The following KCNIP4 variants were observed in gnomAD, a reference collection of about 807,000 sequenced individuals.
KCNIP4 encodes the protein potassium voltage-gated channel interacting protein 4.
KCNIP4 carries 12 observed loss-of-function variants against 34.0 expected under a neutral mutation model. The observed-to-expected ratio is 0.35, with a 90% confidence interval of 0.23 to 0.57. The LOEUF (loss-of-function observed/expected upper bound fraction) is 0.57, where lower values mean the gene tolerates loss of function less well. Ranked by LOEUF, KCNIP4 falls within the 20% of genes least tolerant of loss-of-function variation. The probability of loss-of-function intolerance (pLI) is 0.83; values close to 1 mark genes in which losing one functional copy is unlikely to be tolerated. For synonymous variants in KCNIP4, 124 were observed against 102.2 expected (o/e 1.21, Z -1.29); for missense variants, 238 against 311.7 (o/e 0.76, Z 1.78).
intron 2 of KCNIP4, among the ~76,000 whole-genome samples, chr4:20,865,052 A>G (rs1722729967): frequency 6.6e-6 from 1 of 152,244 alleles, no homozygotes; most frequent in South Asian, 2.1e-4. Context: ...CTTCATTATC[A>G]TATCTGAGCA....
chr4:21,225,529 T>A (rs1285853347), intron 1 of KCNIP4, among the ~76,000 whole-genome samples: 1 of 152,190 alleles, frequency 6.6e-6, no homozygotes, highest in Non-Finnish European at 1.5e-5. Flanking sequence ...CCTGTTACTC[T>A]TAGAAGTATC....
intron 1 of KCNIP4, among the ~76,000 whole-genome samples, chr4:21,555,673 G>A (rs1307539032): frequency 6.6e-6 from 1 of 152,114 alleles, no homozygotes; most frequent in East Asian, 1.9e-4. Context: ...CTCAAATACT[G>A]GTGGAGATAA....
chr4:21,415,100 C>G (rs1724833840), intron 1 of KCNIP4, among the ~76,000 whole-genome samples: 1 of 152,248 alleles, frequency 6.6e-6, no homozygotes, highest in East Asian at 1.9e-4. Flanking sequence ...CCATTCCCCC[C>G]CAGTCCCCAC....
intron 1 of KCNIP4, chr4:21,697,789 C>T: frequency 2.4e-6 from 1 of 424,734 alleles, no homozygotes; most frequent in Non-Finnish European, 3.3e-6. Flanking sequence ...CCTCACAGAC[C>T]ATTCAGAGGG....
intron 1 of KCNIP4, among the ~76,000 whole-genome samples, chr4:21,192,952 C>CTACTAATAATAA (rs757200407): frequency 1.1e-3 from 160 of 145,108 alleles, no homozygotes; most frequent in African/African-American, 3.4e-3. Context: ...ACTACTACTA[C>CTACTAATAATAA]TAATAATAAT....
At chr4:21,248,211 T>C (rs1760437566) in intron 1 of KCNIP4, among the ~76,000 whole-genome samples, 1 of 151,926 alleles carries the variant, frequency 6.6e-6, no homozygotes, top group East Asian at 2.0e-4. Flanking sequence ...TTGCCTTGTG[T>C]GGGCATGAGC....
chr4:20,950,934 T>C (rs183750850), intron 1 of KCNIP4, among the ~76,000 whole-genome samples: 1 of 152,138 alleles, frequency 6.6e-6, no homozygotes, highest in Admixed American at 6.5e-5. Flanking sequence ...TAAAGTTACG[T>C]GGGCATTTGC....
At position 20,729,544 on chromosome 4, in the gene KCNIP4, G is replaced by T. The variant is rs1747327906; in HGVS notation, c.*538C>A. 1 of 147,904 alleles carries T rather than the reference G, an allele frequency of 6.8e-6. No individual in the cohort carries two copies. Among genetic ancestry groups the T allele is most frequent in the Non-Finnish European group, 1.5e-5 (1 of 66,436 alleles). 9.2% of individuals were successfully genotyped at this position (147,904 alleles called of 1,614,324 possible). ...AAAACTAATTTCTAACAGAAGGTGGGAAGGCCATAGAAACTGGAACTATGT... is the reference window on the plus strand; with the variant it reads ...AAAACTAATTTCTAACAGAAGGTGGTAAGGCCATAGAAACTGGAACTATGT... On this transcript the variant is annotated 3_prime_UTR_variant, in exon 9 of 9. Coordinates refer to ENST00000382152, the MANE Select transcript of KCNIP4 (RefSeq NM_025221.6).
intron 1 of KCNIP4, among the ~76,000 whole-genome samples, chr4:21,215,332 C>T (rs1171025994): frequency 6.6e-6 from 1 of 152,004 alleles, no homozygotes; most frequent in Non-Finnish European, 1.5e-5. Context: ...CAATGTGAAC[C>T]TTTTCATGGT....
chr4:20,866,992 T>C (rs1722941278), intron 2 of KCNIP4, among the ~76,000 whole-genome samples: 1 of 151,962 alleles, frequency 6.6e-6, no homozygotes, highest in Admixed American at 6.6e-5. Flanking sequence ...CAAAATACTG[T>C]TGAAAGAAAT....
chr4:21,297,102 G>GTATATA lies in KCNIP4; in HGVS notation c.62-414399_62-414394dup, dbSNP rs35254813. The stretch of plus-strand genomic sequence containing the variant: ...AAGTCAAGTGCTATATCAAATATGT[G>GTATATA]TATATATATATATATATATATTTGG... On this transcript the variant is annotated intron_variant, in intron 1 of 8. Transcript: ENST00000382152. 1.8e-3 allele frequency among the ~76,000 whole-genome samples: 258 copies of GTATATA among 144,320 alleles called. 1 individual carries two copies. Among genetic ancestry groups the GTATATA allele is most frequent in the Middle Eastern group, 7.4e-3 (2 of 272 alleles). The allele number at this position is 144,320 out of a possible 152,430, so 94.7% of individuals were successfully genotyped here.
intron 1 of KCNIP4, among the ~76,000 whole-genome samples, chr4:21,458,697 T>C (rs984962426): frequency 1.8e-4 from 28 of 152,082 alleles, no homozygotes; most frequent in African/African-American, 6.8e-4. Flanking sequence ...TACTTTACTT[T>C]AGACTTTTCA....
intron 1 of KCNIP4, among the ~76,000 whole-genome samples, chr4:20,931,036 G>A (rs1321351182): frequency 6.6e-6 from 1 of 151,914 alleles, no homozygotes; most frequent in African/African-American, 2.4e-5. Context: ...CCTCTTTTGA[G>A]TAGGTAACCA....
intron 3 of KCNIP4, among the ~76,000 whole-genome samples, chr4:20,840,713 G>C (rs914889604): frequency 5.3e-5 from 8 of 152,184 alleles, no homozygotes; most frequent in African/African-American, 1.7e-4. Flanking sequence ...ATTAGGAAAT[G>C]AAAGAGAAAC....
chr4:21,752,594 A>AC (rs2109147255), intron 1 of KCNIP4, among the ~76,000 whole-genome samples: 1 of 152,294 alleles, frequency 6.6e-6, no homozygotes, highest in South Asian at 2.1e-4. Context: ...GAAGAAAAAA[A>AC]AGGGAGGGAT....
chr4:21,299,782 A>G (rs1249026854), intron 1 of KCNIP4, among the ~76,000 whole-genome samples: 1 of 152,154 alleles, frequency 6.6e-6, no homozygotes, highest in African/African-American at 2.4e-5. Flanking sequence ...TTACTGACAG[A>G]TCCAGCACTT....
chr4:20,760,239 C>T lies in KCNIP4; in HGVS notation c.289-1349G>A, dbSNP rs138355602. On this transcript the variant is annotated intron_variant, in intron 3 of 8. Transcript: ENST00000382152. Reference sequence around the variant, plus strand: ...GACTCTAGTTGTCACAGCACTCCCACGCCACCTAACGTCCACCCAGGACTA... The same window carrying T: ...GACTCTAGTTGTCACAGCACTCCCATGCCACCTAACGTCCACCCAGGACTA... 2.5e-3 allele frequency among the ~76,000 whole-genome samples: 381 copies of T among 152,216 alleles called. 9 individuals are homozygous for T. In the South Asian group the frequency reaches 0.044, roughly 18 times the overall value.
At chr4:21,901,317 AC>A (rs1303269195) in intron 1 of KCNIP4, among the ~76,000 whole-genome samples, 2 of 152,224 alleles carry the variant, frequency 1.3e-5, no homozygotes, top group African/African-American at 2.4e-5. Context: ...AGTTGGTTTT[AC>A]TATTGCTATT....
chr4:21,694,943 A>AAAAAAAAAAAAC (rs1560637409), intron 1 of KCNIP4, among the ~76,000 whole-genome samples: 1 of 45,338 alleles, frequency 2.2e-5, no homozygotes, highest in Non-Finnish European at 7.0e-5. Context: ...AAAATAAATA[A>AAAAAAAAAAAAC]ATAAATAAAG....
Sources: allele counts gnomAD v4.1 joint callset (sites outside exome capture counted in the v4.1 genomes callset), GRCh38; gene constraint gnomAD v4.1.1; transcripts MANE v1.5; gene names NCBI Gene and HGNC (gene_info 2026-07-23, HGNC 2026-07-21).